Variants in CDH1 observed in about 807,000 individuals in gnomAD.
The protein encoded by CDH1 is cadherin-1.
In CDH1, 35 loss-of-function variants were observed where a neutral mutation model predicts 84.5. That is an observed-to-expected ratio of 0.41 (90% CI 0.32 to 0.55). The LOEUF (loss-of-function observed/expected upper bound fraction) is 0.55. Ranked by LOEUF, CDH1 falls within the 20% of genes least tolerant of loss-of-function variation. The pLI is 0.19. For missense variants in CDH1, 994 were observed against 1,126.6 expected (o/e 0.88, Z 1.68); for synonymous variants, 417 against 439.0 (o/e 0.95, Z 0.63).
chr16:68,823,695 G>T, intron 13 of CDH1, 69 bp downstream of exon 13: 1 of 1,066,954 alleles, frequency 9.4e-7, no homozygotes. Context: ...TCCTGGAAAT[G>T]ATTTTTGTTC....
chr16:68,829,877 T>C (rs1961437220), intron 15 of CDH1, 80 bp downstream of exon 15: 8 of 1,387,740 alleles, frequency 5.8e-6, no homozygotes, highest in Non-Finnish European at 7.1e-6. Flanking sequence ...AGAAAAAGAG[T>C]CTTTAGATTC....
At chr16:68,797,940 G>A (rs1056663074) in intron 2 of CDH1, among the ~76,000 whole-genome samples, 6 of 151,868 alleles carry the variant, frequency 4.0e-5, no homozygotes, top group Admixed American at 6.6e-5. Context: ...TTAGCTGGGC[G>A]TGGTGGTGTG....
chr16:68,755,238 G>A (rs1055968404), intron 2 of CDH1, among the ~76,000 whole-genome samples: 2 of 136,906 alleles, frequency 1.5e-5, no homozygotes, highest in East Asian at 4.3e-4. Context: ...AGCCATGATC[G>A]TACCACTGCA....
intron 2 of CDH1, among the ~76,000 whole-genome samples, chr16:68,755,783 G>GTT (rs1963004143): frequency 7.9e-6 from 1 of 127,228 alleles, no homozygotes; most frequent in South Asian, 2.5e-4. Flanking sequence ...TTTTTTTTGA[G>GTT]ACAGAGTCTT....
chr16:68,811,337 T>C (rs778571887), intron 6 of CDH1, among the ~76,000 whole-genome samples: 9 of 140,298 alleles, frequency 6.4e-5, no homozygotes, highest in East Asian at 4.2e-4. Context: ...ACAGAGATTG[T>C]GGTGAGCCGA....
At chr16:68,782,239 A>G (rs1196499353) in intron 2 of CDH1, among the ~76,000 whole-genome samples, 1 of 152,170 alleles carries the variant, frequency 6.6e-6, no homozygotes, top group East Asian at 1.9e-4. Context: ...CCACACCCTC[A>G]GGATTTGACC....
intron 2 of CDH1, among the ~76,000 whole-genome samples, chr16:68,772,227 C>T (rs1016971424): frequency 2.0e-5 from 3 of 152,198 alleles, no homozygotes; most frequent in Non-Finnish European, 2.9e-5. Flanking sequence ...TTGCTTACCA[C>T]CTAATCGGGC....
intron 10 of CDH1, among the ~76,000 whole-genome samples, chr16:68,817,305 A>AGGTG (rs1449678409): frequency 6.6e-6 from 1 of 152,206 alleles, no homozygotes; most frequent in Admixed American, 6.5e-5. Context: ...ACAGGAGAGG[A>AGGTG]GGTGGCATGT....
At chr16:68,809,461 C>G (rs1362718368) in intron 5 of CDH1, among the ~76,000 whole-genome samples, 1 of 152,116 alleles carries the variant, frequency 6.6e-6, no homozygotes, top group Non-Finnish European at 1.5e-5. Context: ...CTTGGCCTCC[C>G]AAAGTGCTGG....
chr16:68,745,010 G>A lies in CDH1; in HGVS notation c.163+6599G>A, dbSNP rs929673299. Among the ~76,000 whole-genome samples, 5 of 151,918 alleles carry A rather than the reference G, an allele frequency of 3.3e-5. No individual in the cohort carries two copies. The South Asian group carries it at 1.0e-3, about 32-fold the overall frequency. On this transcript the variant is annotated intron_variant, in intron 2 of 15. Coordinates refer to ENST00000261769, the MANE Select transcript of CDH1 (RefSeq NM_004360.5). The stretch of plus-strand genomic sequence containing the variant: ...GTTAGGAAGAAACTGGCGTTTTTTT[G>A]CTTGCCACTGTGCAGGGTGCTCAGG...
intron 2 of CDH1, among the ~76,000 whole-genome samples, chr16:68,747,772 A>G (rs1405662362): frequency 6.6e-6 from 1 of 151,710 alleles, no homozygotes; most frequent in African/African-American, 2.4e-5. Context: ...CTCTCCACAC[A>G]TATCTTCCTT....
At chr16:68,740,803 G>C (rs1041092328) in intron 2 of CDH1, among the ~76,000 whole-genome samples, 2 of 152,152 alleles carry the variant, frequency 1.3e-5, no homozygotes, top group African/African-American at 4.8e-5. Context: ...GTCTTCACTA[G>C]AACGTTAGGA....
chr16:68,760,086 A>ATATTT (rs1486542814), intron 2 of CDH1, among the ~76,000 whole-genome samples: 26 of 122,142 alleles, frequency 2.1e-4, no homozygotes, highest in South Asian at 1.6e-3. Context: ...ATATATATAT[A>ATATTT]TTTTTTTTTT....
At chr16:68,743,298 T>TCTTC (rs1962617097) in intron 2 of CDH1, among the ~76,000 whole-genome samples, 1 of 9,438 alleles carries the variant, frequency 1.1e-4, no homozygotes, top group Non-Finnish European at 2.3e-4. Context: ...TTTCTTTCTT[T>TCTTC]CTTTCTTTCT....
intron 2 of CDH1, 92 bp from the exon 3 acceptor site, chr16:68,801,577 TG>T (rs2152126470): frequency 2.0e-6 from 2 of 993,652 alleles, no homozygotes; most frequent in Non-Finnish European, 1.6e-6. Flanking sequence ...TTTGGTTTTG[TG>T]GGAGTCTTCC....
chr16:68,762,966 A>T (rs1959269248), intron 2 of CDH1, among the ~76,000 whole-genome samples: 1 of 149,134 alleles, frequency 6.7e-6, no homozygotes, highest in Non-Finnish European at 1.5e-5. Context: ...CTGAGCTTAG[A>T]TGGATCTCTC....
intron 2 of CDH1, among the ~76,000 whole-genome samples, chr16:68,771,372 G>C (rs979045457): frequency 1.3e-5 from 2 of 152,014 alleles, no homozygotes; most frequent in South Asian, 4.2e-4. Context: ...CTGTAGTCTC[G>C]AACTCCTAGT....
At chr16:68,820,735 G>T (rs1961121037) in intron 11 of CDH1, among the ~76,000 whole-genome samples, 1 of 152,126 alleles carries the variant, frequency 6.6e-6, no homozygotes. Context: ...TGTTAAATCA[G>T]TTAGGTGTGG....
chr16:68,809,830 A>G (rs188949437), intron 5 of CDH1, among the ~76,000 whole-genome samples: 74 of 152,286 alleles, frequency 4.9e-4, no homozygotes, highest in Admixed American at 4.3e-3. Context: ...CCAGGAAGTC[A>G]TATATTGATG....
Sources: allele counts gnomAD v4.1 joint callset (sites outside exome capture counted in the v4.1 genomes callset), GRCh38; gene constraint gnomAD v4.1.1; transcripts MANE v1.5; gene names NCBI Gene and HGNC (gene_info 2026-07-23, HGNC 2026-07-21).